RLN2: variants seen among roughly 807,000 people sequenced by gnomAD.
The protein encoded by RLN2 is relaxin 2.
A neutral mutation model predicts 7.3 loss-of-function variants in RLN2; 10 were observed. That is an observed-to-expected ratio of 1.36 (90% CI 0.84 to 2.31). The LOEUF (loss-of-function observed/expected upper bound fraction) is 2.31, where lower values mean the gene tolerates loss of function less well. Ranked by LOEUF, RLN2 falls within the 30% of genes most tolerant of loss-of-function variation. The pLI is 0.00. For missense variants in RLN2, 298 were observed against 217.6 expected, an observed-to-expected ratio of 1.37 and a Z score of -2.32; for synonymous variants, 103 against 82.3, an observed-to-expected ratio of 1.25 and a Z score of -1.36.
At chr9:5,310,670 A>G in the RLN2 span, among the ~76,000 whole-genome samples, 1 of 152,068 alleles carries the variant, frequency 6.6e-6, no homozygotes, top group African/African-American at 2.4e-5. Context: ...AATTTGCAAT[A>G]TACATTTACA....
chr9:5,314,940 G>C, the RLN2 span, among the ~76,000 whole-genome samples: 1 of 152,096 alleles, frequency 6.6e-6, no homozygotes. Context: ...CTAACCTTTA[G>C]CTGGGCCAAT....
upstream of RLN2, among the ~76,000 whole-genome samples, chr9:5,308,554 T>C (rs1435104719): frequency 6.6e-6 from 1 of 152,032 alleles, no homozygotes; most frequent in African/African-American, 2.4e-5. Context: ...AATCCAGCCA[T>C]TGCCACAATC....
the RLN2 span, among the ~76,000 whole-genome samples, chr9:5,317,494 C>G: frequency 6.7e-6 from 1 of 149,190 alleles, no homozygotes; most frequent in Non-Finnish European, 1.5e-5. Flanking sequence ...ACGAAGAGCT[C>G]TGAGGGAGAA....
At chr9:5,334,650 T>G in the RLN2 span, among the ~76,000 whole-genome samples, 1 of 151,990 alleles carries the variant, frequency 6.6e-6, no homozygotes, top group African/African-American at 2.4e-5. Context: ...TAACTTAAGT[T>G]TTATGGACAC....
chr9:5,305,364 C>G (rs1816224177), upstream of RLN2, among the ~76,000 whole-genome samples: 1 of 55,670 alleles, frequency 1.8e-5, no homozygotes, highest in South Asian at 7.4e-4. Context: ...ACATACCACA[C>G]ACACACACAC....
upstream of RLN2, among the ~76,000 whole-genome samples, chr9:5,306,101 T>TA (rs1816244259): frequency 7.2e-6 from 1 of 138,044 alleles, no homozygotes; most frequent in African/African-American, 3.0e-5. Context: ...TCTTTGTTTT[T>TA]GTTTTTTGTT....
upstream of RLN2, among the ~76,000 whole-genome samples, chr9:5,305,392 CACACACACACAG>C (rs1191755817): frequency 6.3e-5 from 9 of 142,720 alleles, no homozygotes; most frequent in African/African-American, 2.0e-4. Flanking sequence ...CACACACACA[CACACACACACAG>C]AGAGAGAGAG....
chr9:5,300,254 G>A lies in RLN2; in HGVS notation c.402C>T (p.Arg134=), dbSNP rs748407297. The change falls in exon 2 of 2, where the codon CGC becomes CGT. Residue 134 remains arginine, a synonymous_variant. Transcript: ENST00000381627. ...TGTCTGCGGCTTCACTTTGTCTATTGCGAATAAGTTTCTTAAATTCTTCAA... is the reference window on the plus strand; with the variant it reads ...TGTCTGCGGCTTCACTTTGTCTATTACGAATAAGTTTCTTAAATTCTTCAA... ...LLFEEFKKLI[R]NRQSEAADSS... 12 of 1,613,872 alleles carry A rather than the reference G, an allele frequency of 7.4e-6. No homozygotes were observed. The highest frequency in any genetic ancestry group is 1.3e-5 in the African/African-American group (1 of 75,002).
the RLN2 span, among the ~76,000 whole-genome samples, chr9:5,331,118 C>A: frequency 1.3e-5 from 2 of 151,940 alleles, 1 homozygote; most frequent in Admixed American, 1.3e-4. Context: ...AGCCTACCGA[C>A]CAAAAAATGT....
At chr9:5,330,322 T>C in the RLN2 span, among the ~76,000 whole-genome samples, 2 of 151,886 alleles carry the variant, frequency 1.3e-5, no homozygotes, top group African/African-American at 4.8e-5. Context: ...GATCTAAAAT[T>C]GACACTCTAA....
At chr9:5,318,983 T>G in the RLN2 span, among the ~76,000 whole-genome samples, 1 of 152,032 alleles carries the variant, frequency 6.6e-6, no homozygotes, top group African/African-American at 2.4e-5. Context: ...ACCCAGATGT[T>G]TGATGATCTG....
chr9:5,312,863 GTA>G, the RLN2 span, among the ~76,000 whole-genome samples: 1 of 151,704 alleles, frequency 6.6e-6, no homozygotes, highest in South Asian at 2.1e-4. Flanking sequence ...TAATTTCTAC[GTA>G]TTTTTGAATG....
upstream of RLN2, chr9:5,304,914 G>C (rs574919840): frequency 3.9e-6 from 1 of 257,910 alleles, no homozygotes; most frequent in Admixed American, 4.9e-5. Context: ...GTATACTGAG[G>C]TAAAGTCATT....
In RLN2 at chr9:5,300,080, T is replaced by C. The variant is rs1827123999; in HGVS notation, c.*18A>G. 6.8e-7 allele frequency: 1 copy of C among 1,459,874 alleles called. No individual in the cohort carries two copies. The highest frequency in any genetic ancestry group is 9.5e-7 in the Non-Finnish European group (1 of 1,058,158). 90.4% of individuals were successfully genotyped at this position (1,459,874 alleles called of 1,614,324 possible). A position where few individuals can be genotyped will look rare whatever the true frequency, so the allele number is the denominator to read the frequency against. ...ATATGTGTGAATATTATACGAGATG[T>C]GCACAATTAGCTTCATCTCAGCAAA... On this transcript the variant is annotated 3_prime_UTR_variant, in exon 2 of 2. Coordinates refer to ENST00000381627, the MANE Select transcript of RLN2 (RefSeq NM_134441.3).
the RLN2 span, among the ~76,000 whole-genome samples, chr9:5,338,026 T>C: frequency 0.012 from 1,820 of 151,148 alleles, 61 homozygotes; most frequent in African/African-American, 0.042. Flanking sequence ...ATGCAAAAGA[T>C]ATATACATAT....
the RLN2 span, chr9:5,335,489 G>A: frequency 6.2e-7 from 1 of 1,613,136 alleles, no homozygotes; most frequent in Non-Finnish European, 8.5e-7. Context: ...TGGTAATGAT[G>A]GTTGCCTCTC....
chr9:5,302,739 C>T (rs991555396), intron 1 of RLN2, among the ~76,000 whole-genome samples: 21 of 152,208 alleles, frequency 1.4e-4, no homozygotes, highest in African/African-American at 4.1e-4. Context: ...CCAAAGAATC[C>T]TTAAGTGTAT....
upstream of RLN2, among the ~76,000 whole-genome samples, chr9:5,305,402 C>G (rs4740809): frequency 0.081 from 9,059 of 111,220 alleles, 323 homozygotes; most frequent in Middle Eastern, 0.12. Context: ...CACACACACA[C>G]AGAGAGAGAG....
chr9:5,335,613 A>G, the RLN2 span: 1 of 1,555,982 alleles, frequency 6.4e-7, no homozygotes, highest in Non-Finnish European at 8.8e-7. Context: ...AAGTTTAAAA[A>G]AAAAGTGTAT....
Sources: gnomAD v4.1 joint callset for allele counts (sites outside exome capture counted in the v4.1 genomes callset) on GRCh38, gnomAD v4.1.1 for gene constraint, MANE v1.5 for transcripts, NCBI Gene and HGNC (gene_info 2026-07-23, HGNC 2026-07-21) for gene names.